MTFMT: variants seen among roughly 807,000 people sequenced by gnomAD.
MTFMT encodes the protein mitochondrial methionyl-tRNA formyltransferase.
MTFMT carries 47 observed loss-of-function variants against 51.8 expected under a neutral mutation model. The observed-to-expected ratio is 0.91, with a 90% CI of 0.72 to 1.16. The LOEUF is 1.16. MTFMT is among the 50% of genes most tolerant of loss of function. The probability of loss-of-function intolerance (pLI) is 0.00; values close to 1 mark genes in which losing one functional copy is unlikely to be tolerated. For missense variants in MTFMT, 512 were observed against 482.3 expected (o/e 1.06, Z -0.58); for synonymous variants, 196 against 176.7 (o/e 1.11, Z -0.87).
intron 3 of MTFMT, among the ~76,000 whole-genome samples, chr15:65,022,189 G>A (rs958161011): frequency 2.6e-5 from 4 of 152,284 alleles, no homozygotes; most frequent in African/African-American, 7.2e-5. Context: ...AGGGCCAGGC[G>A]TAGTGGCTCA....
At chr15:65,029,042 G>A (rs2086454806) in intron 1 of MTFMT, among the ~76,000 whole-genome samples, 1 of 152,128 alleles carries the variant, frequency 6.6e-6, no homozygotes, top group Admixed American at 6.5e-5. Flanking sequence ...TTGGGCAATC[G>A]CATAACCTCT....
At chr15:65,016,934 C>T (rs1396486444) in intron 5 of MTFMT, among the ~76,000 whole-genome samples, 2 of 151,704 alleles carry the variant, frequency 1.3e-5, no homozygotes, top group South Asian at 2.1e-4. Context: ...GCGTGCACTA[C>T]CATGCCTGGC....
chr15:65,005,701 C>T (rs1473048162), intron 7 of MTFMT, among the ~76,000 whole-genome samples: 1 of 151,460 alleles, frequency 6.6e-6, no homozygotes, highest in Non-Finnish European at 1.5e-5. Context: ...CTCTGCCTCC[C>T]AGGTTCAAGT....
At chr15:65,012,314 AATAATAAT>A (rs1414083903) in intron 6 of MTFMT, among the ~76,000 whole-genome samples, 6 of 151,594 alleles carry the variant, frequency 4.0e-5, no homozygotes, top group African/African-American at 1.2e-4. Flanking sequence ...TAATAATAAT[AATAATAAT>A]AAAAAGAACT....
rs1232813922 is a variant in MTFMT at position 65,019,514 on chromosome 15, C to T, written c.721+683G>A. ...CCAAAAACTTTAAGCCTGAATCCAG[C>T]CAAACCTTTAGAACTAATTATAGGA... is the stretch of plus-strand genomic sequence containing the variant. On this transcript the variant is annotated intron_variant, in intron 5 of 8. Transcript: ENST00000220058. 2.0e-5 allele frequency among the ~76,000 whole-genome samples: 3 copies of T among 151,624 alleles called. No individual in the cohort carries two copies. In the East Asian group the frequency reaches 5.8e-4, roughly 29 times the overall value.
intron 3 of MTFMT, among the ~76,000 whole-genome samples, chr15:65,021,979 A>G (rs1229674785): frequency 6.6e-6 from 1 of 152,254 alleles, no homozygotes; most frequent in Non-Finnish European, 1.5e-5. Flanking sequence ...GTTGCATATC[A>G]GGAATTTAAT....
At chr15:65,011,485 CTTT>C (rs536213292) in intron 6 of MTFMT, among the ~76,000 whole-genome samples, 29 of 74,096 alleles carry the variant, frequency 3.9e-4, no homozygotes, top group African/African-American at 9.1e-4. Flanking sequence ...TGTAAGCTGT[CTTT>C]TTTTTTTTTT....
Position 65,004,923 on chromosome 15 carries a change from C to G in MTFMT, c.906G>C (p.Thr302=). 1 of 1,610,484 alleles carries G rather than the reference C, an allele frequency of 6.2e-7. No individual in the cohort carries two copies. Among genetic ancestry groups the G allele is most frequent in the Non-Finnish European group, 8.5e-7 (1 of 1,177,282 alleles). The change falls in exon 8 of 9, where the codon ACG becomes ACC. Residue 302 remains threonine (T), a synonymous_variant. Coordinates refer to ENST00000220058, the MANE Select transcript of MTFMT (RefSeq NM_139242.4). ...NSSVLADPKL[T]GQALIPGSVI... The stretch of plus-strand genomic sequence containing the variant: ...CTGATCCTGGAATAAGAGCCTGTCC[C>G]GTTAATTTTGGATCTGAAGAATGGA...
intron 7 of MTFMT, among the ~76,000 whole-genome samples, chr15:65,005,442 C>T (rs1201139061): frequency 2.0e-5 from 3 of 152,094 alleles, no homozygotes; most frequent in Non-Finnish European, 4.4e-5. Context: ...TGAATACACT[C>T]TGGCCTAGAT....
At position 65,020,395 on chromosome 15, in the gene MTFMT, TA is replaced by T. The variant is rs11358848; in HGVS notation, c.646-124del. 0.016 allele frequency: 12,615 copies of T among 788,476 alleles called. 689 individuals carry two copies. The highest frequency in any genetic ancestry group is 0.16 in the African/African-American group (8,839 of 56,140). The allele number at this position is 788,476 out of a possible 1,614,324, so 48.8% of individuals were successfully genotyped here. On this transcript the variant is annotated intron_variant, in intron 4 of 8. Coordinates refer to ENST00000220058, the MANE Select transcript of MTFMT (RefSeq NM_139242.4). ...TTTTTTTCTTTTTCTTTTTTCAAATTAAAAAAAAAATCTTTACTATTGGCTC... is the reference window on the plus strand; with the variant it reads ...TTTTTTTCTTTTTCTTTTTTCAAATTAAAAAAAAATCTTTACTATTGGCTC...
rs373992657 is a variant in MTFMT at position 65,027,298 on chromosome 15, A to G, written c.210-258T>C. ...CTGCAACCTCTGCCCCCTAGGTTCA[A>G]GCGATTATCCTGCCTCAGTCTCCCG... On this transcript the variant is annotated intron_variant, in intron 1 of 8. Coordinates refer to ENST00000220058, the MANE Select transcript of MTFMT (RefSeq NM_139242.4). 2.2e-4 allele frequency among the ~76,000 whole-genome samples: 34 copies of G among 151,788 alleles called. No homozygotes were observed. The East Asian group carries it at 4.1e-3, about 18-fold the overall frequency.
chr15:65,003,256 C>A lies in MTFMT; in HGVS notation c.976G>T (p.Asp326Tyr), dbSNP rs1406388052. 1 of 1,611,406 alleles carries A rather than the reference C, an allele frequency of 6.2e-7. No individual in the cohort carries two copies. Among genetic ancestry groups the A allele is most frequent in the Non-Finnish European group, 8.5e-7 (1 of 1,178,450 alleles). ...ACTGATCGAACACCAATCCAACCAT[C>A]CTAAAGGGCAAAATACAAATAGTGA... ...QSQILLVYCK[D>Y]GWIGVRSVML... Residue 326 changes from aspartate to tyrosine, a missense_variant and splice_region_variant, in exon 9 of 9, where the codon GAT (aspartate) becomes TAT (tyrosine). By Grantham distance (160) the Asp-to-Tyr change is radical. Coordinates refer to ENST00000220058, the MANE Select transcript of MTFMT (RefSeq NM_139242.4).
At position 65,003,092 on chromosome 15, in the gene MTFMT, T is replaced by A. The variant is rs2086189750; in HGVS notation, c.1140A>T (p.Lys380Asn). ...CAATGCATTGTTGCATAGCAACAGT[T>A]TTTTTCTGCTTCTTCTTTGTTGGAA... ...LRLPTKKKQK[K>N]TVAMQQCIE Residue 380 changes from lysine to asparagine, a missense_variant, in exon 9 of 9, where the codon AAA becomes AAT. Transcript: ENST00000220058. 1 of 1,608,638 alleles carries A rather than the reference T, an allele frequency of 6.2e-7. No individual in the cohort carries two copies. Among genetic ancestry groups the A allele is most frequent in the Non-Finnish European group, 8.5e-7 (1 of 1,177,054 alleles).
intron 4 of MTFMT, among the ~76,000 whole-genome samples, chr15:65,021,164 T>C (rs1265802228): frequency 6.6e-6 from 1 of 151,800 alleles, no homozygotes; most frequent in Non-Finnish European, 1.5e-5. Flanking sequence ...AAGCTAAGAG[T>C]CGCTTAGAAA....
chr15:65,029,592 A>T lies in MTFMT; in HGVS notation c.22T>A (p.Cys8Ser), dbSNP rs1050450261. 18 of 1,393,172 alleles carry T rather than the reference A, an allele frequency of 1.3e-5. No individual in the cohort carries two copies. The African/African-American group carries it at 2.7e-4, about 21-fold the overall frequency. The allele number at this position is 1,393,172 out of a possible 1,614,324, so 86.3% of individuals were successfully genotyped here. A position where few individuals can be genotyped will look rare whatever the true frequency, so the allele number is the denominator to read the frequency against. The change falls in exon 1 of 9, where the codon TGT becomes AGT. Residue 8 changes from cysteine to serine, a missense_variant. Physicochemically the swap from Cys to Ser is moderately radical, Grantham distance 112. Transcript: ENST00000220058. MRVLVRR[C>S]WGPPLAHGAR... ...CCATGAGCCAGCGGAGGACCCCAACAGCGCCGCACCAACACCCTCATCGCC... is the reference window on the plus strand; with the variant it reads ...CCATGAGCCAGCGGAGGACCCCAACTGCGCCGCACCAACACCCTCATCGCC...
In MTFMT at chr15:65,029,401, G is replaced by A. The variant is rs1464783197; in HGVS notation, c.209+4C>T. On this transcript the variant is annotated splice_donor_region_variant and intron_variant, in intron 1 of 8. Coordinates refer to ENST00000220058, the MANE Select transcript of MTFMT (RefSeq NM_139242.4). Reference sequence around the variant, plus strand: ...CCGGGTCCCCGGATCCCTGGCCCGGGTACCTGGCGGCGTGCAGCGCCCGCA... The same window carrying A: ...CCGGGTCCCCGGATCCCTGGCCCGGATACCTGGCGGCGTGCAGCGCCCGCA... 21 of 1,487,764 alleles carry A rather than the reference G, an allele frequency of 1.4e-5. No individual in the cohort carries two copies. Among genetic ancestry groups the A allele is most frequent in the Non-Finnish European group, 1.9e-5 (21 of 1,120,188 alleles). The allele number at this position is 1,487,764 out of a possible 1,614,324, so 92.2% of individuals were successfully genotyped here.
intron 6 of MTFMT, among the ~76,000 whole-genome samples, chr15:65,010,311 C>T (rs936099550): frequency 6.6e-5 from 10 of 152,028 alleles, no homozygotes; most frequent in South Asian, 2.1e-4. Flanking sequence ...CAATGTCACT[C>T]GTTTTTTTCT....
intron 4 of MTFMT, among the ~76,000 whole-genome samples, chr15:65,020,674 G>T (rs2086366830): frequency 6.6e-6 from 1 of 152,194 alleles, no homozygotes; most frequent in Admixed American, 6.5e-5. Flanking sequence ...ATGTACTATG[G>T]AGTCACCCAG....
chr15:65,009,535 C>T (rs908066569), intron 6 of MTFMT, among the ~76,000 whole-genome samples: 3 of 152,184 alleles, frequency 2.0e-5, no homozygotes, highest in African/African-American at 7.2e-5. Context: ...CAGCAAATTC[C>T]GCTGACTCTA....
Sources: allele counts gnomAD v4.1 joint callset (sites outside exome capture counted in the v4.1 genomes callset), GRCh38; gene constraint gnomAD v4.1.1; transcripts MANE v1.5; gene names NCBI Gene and HGNC (gene_info 2026-07-23, HGNC 2026-07-21).